SLC39A11: variants seen among roughly 807,000 people sequenced by gnomAD.
SLC39A11 encodes solute carrier family 39 member 11, also known as zinc transporter ZIP11.
A neutral mutation model predicts 36.1 loss-of-function variants in SLC39A11; 33 were observed. The observed-to-expected ratio is 0.91, with a 90% CI of 0.69 to 1.22. SLC39A11 has a LOEUF of 1.22. Ranked by LOEUF, SLC39A11 falls within the 50% of genes most tolerant of loss-of-function variation. The probability of loss-of-function intolerance (pLI) is 0.00; values close to 1 mark genes in which losing one functional copy is unlikely to be tolerated. For synonymous variants in SLC39A11, 166 were observed against 170.3 expected (o/e 0.97, Z 0.20); for missense variants, 432 against 430.3 (o/e 1.00, Z -0.03).
intron 6 of SLC39A11, among the ~76,000 whole-genome samples, chr17:72,844,774 T>C (rs749825275): frequency 1.3e-5 from 2 of 152,160 alleles, no homozygotes; most frequent in Non-Finnish European, 2.9e-5. Flanking sequence ...TATCCAGCTG[T>C]CTAGTCAGTA....
chr17:72,957,947 T>C (rs1294421431), intron 4 of SLC39A11, among the ~76,000 whole-genome samples: 1 of 151,900 alleles, frequency 6.6e-6, no homozygotes, highest in African/African-American at 2.4e-5. Flanking sequence ...GAGCTGAGAT[T>C]GCACCACTTC....
chr17:72,847,088 C>T (rs2079084646), intron 6 of SLC39A11, among the ~76,000 whole-genome samples: 1 of 152,034 alleles, frequency 6.6e-6, no homozygotes, highest in Non-Finnish European at 1.5e-5. Flanking sequence ...TATCTCAAGA[C>T]ATACTGAATA....
rs190642105 is a variant in SLC39A11 at position 72,755,907 on chromosome 17, C to T, written c.602-19188G>A. Among the ~76,000 whole-genome samples, 100 of 152,280 alleles carry T rather than the reference C, an allele frequency of 6.6e-4. No homozygotes were observed. The South Asian group carries it at 9.3e-3, about 14-fold the overall frequency. On this transcript the variant is annotated intron_variant, in intron 6 of 9. Transcript: ENST00000255559. ...CTGAACTAGGGTAGCTCTGGAGAGC[C>T]GGGAGCTAATAGTTGGCTGACAGTG...
chr17:72,941,833 G>A (rs746001449), intron 5 of SLC39A11, among the ~76,000 whole-genome samples: 10 of 151,404 alleles, frequency 6.6e-5, no homozygotes, highest in Non-Finnish European at 7.4e-5. Flanking sequence ...ATTTTTGTGC[G>A]GCACATTTTA....
rs186261090 is a variant in SLC39A11, at chr17:72,832,950, G to C, written c.601+16684C>G. On this transcript the variant is annotated intron_variant, in intron 6 of 9. Transcript: ENST00000255559. ...GGGAGACTCATCAGCAGATGAGATG[G>C]CTCCTTGGTGGTCCATCCTGCTTGC... Among the ~76,000 whole-genome samples the C allele has an allele frequency of 4.4e-3, 674 of 152,276 alleles. 4 individuals carry two copies. Among genetic ancestry groups the C allele is most frequent in the Admixed American group, 7.7e-3 (118 of 15,292 alleles).
chr17:72,857,351 T>C (rs1278472964), intron 5 of SLC39A11, among the ~76,000 whole-genome samples: 1 of 152,238 alleles, frequency 6.6e-6, no homozygotes, highest in Non-Finnish European at 1.5e-5. Flanking sequence ...CCATGGTATA[T>C]ATGTACCATA....
At chr17:73,017,191 C>A (rs192083680) in intron 4 of SLC39A11, among the ~76,000 whole-genome samples, 1 of 152,250 alleles carries the variant, frequency 6.6e-6, no homozygotes, top group East Asian at 1.9e-4. Flanking sequence ...CCAATTAATT[C>A]CACTGTGACT....
At chr17:72,917,927 T>C (rs1212255799) in intron 5 of SLC39A11, among the ~76,000 whole-genome samples, 2 of 152,212 alleles carry the variant, frequency 1.3e-5, no homozygotes, top group African/African-American at 2.4e-5. Flanking sequence ...TTAGGTGCTA[T>C]AGGTGGCCAA....
intron 6 of SLC39A11, among the ~76,000 whole-genome samples, chr17:72,750,799 A>C (rs977043014): frequency 6.7e-6 from 1 of 150,148 alleles, no homozygotes; most frequent in South Asian, 2.1e-4. Flanking sequence ...AAAAAAAAAA[A>C]CTGCCTTCCT....
intron 3 of SLC39A11, among the ~76,000 whole-genome samples, chr17:73,082,994 C>A (rs911999672): frequency 8.9e-5 from 10 of 112,542 alleles, no homozygotes; most frequent in African/African-American, 2.8e-4. Flanking sequence ...CCAGCCTGGA[C>A]AACAGAGGGA....
intron 5 of SLC39A11, among the ~76,000 whole-genome samples, chr17:72,883,145 T>C (rs936842421): frequency 2.6e-5 from 4 of 152,176 alleles, no homozygotes; most frequent in Non-Finnish European, 5.9e-5. Context: ...CACGCAGTCC[T>C]GCATCCTTAA....
intron 5 of SLC39A11, among the ~76,000 whole-genome samples, chr17:72,910,908 C>G (rs2082951380): frequency 7.7e-6 from 1 of 129,468 alleles, no homozygotes; most frequent in Non-Finnish European, 1.6e-5. Flanking sequence ...GCCTGGGCAA[C>G]AGAGCAAGAC....
intron 4 of SLC39A11, among the ~76,000 whole-genome samples, chr17:72,987,984 GCTCT>G (rs1213683588): frequency 2.0e-5 from 3 of 152,144 alleles, no homozygotes; most frequent in Non-Finnish European, 4.4e-5. Context: ...GTAAAAGTCA[GCTCT>G]CTTTTTTATT....
intron 5 of SLC39A11, among the ~76,000 whole-genome samples, chr17:72,868,483 CGGAAAATCTTCAGTAA>C: frequency 6.6e-6 from 1 of 151,914 alleles, no homozygotes; most frequent in Non-Finnish European, 1.5e-5. Flanking sequence ...AATGTGTCTA[CGGAAAATCTTCAGTAA>C]GGCTGGGCAC....
rs78678373 is a variant in SLC39A11 at position 72,908,176 on chromosome 17, T to C, written c.430+39576A>G. ...CGTCCTCACTGAAACCCAAGGCTTC[T>C]TTAGCCAGCGTCCAGGCCAGGTGCT... On this transcript the variant is annotated intron_variant, in intron 5 of 9. Coordinates refer to ENST00000255559, the MANE Select transcript of SLC39A11 (RefSeq NM_139177.4). Among the ~76,000 whole-genome samples, 582 of 152,346 alleles carry C rather than the reference T, an allele frequency of 3.8e-3. 3 individuals are homozygous for C. The highest frequency in any genetic ancestry group is 0.014 in the African/African-American group (563 of 41,570).
chr17:73,080,763 G>A (rs1380560372), intron 3 of SLC39A11, among the ~76,000 whole-genome samples: 1 of 151,932 alleles, frequency 6.6e-6, no homozygotes, highest in Non-Finnish European at 1.5e-5. Context: ...TGGCCAACAT[G>A]GTGAAACTCC....
intron 5 of SLC39A11, among the ~76,000 whole-genome samples, chr17:72,861,688 T>TATATATATATATATA (rs1169877556): frequency 1.0e-4 from 9 of 88,782 alleles, no homozygotes; most frequent in African/African-American, 3.5e-4. Context: ...TATATATATA[T>TATATATATATATATA]AAAATATATA....
intron 5 of SLC39A11, among the ~76,000 whole-genome samples, chr17:72,913,031 A>G (rs540054941): frequency 4.6e-5 from 7 of 152,254 alleles, no homozygotes; most frequent in African/African-American, 1.4e-4. Flanking sequence ...TAGGAATAAA[A>G]CAATCCTGAT....
At chr17:72,913,084 G>A (rs138741479) in intron 5 of SLC39A11, among the ~76,000 whole-genome samples, 1 of 152,140 alleles carries the variant, frequency 6.6e-6, no homozygotes, top group East Asian at 1.9e-4. Flanking sequence ...TACTCTGAAT[G>A]CCAAATGTCC....
Sources: allele counts gnomAD v4.1 joint callset (sites outside exome capture counted in the v4.1 genomes callset), GRCh38; gene constraint gnomAD v4.1.1; transcripts MANE v1.5; gene names NCBI Gene and HGNC (gene_info 2026-07-23, HGNC 2026-07-21).